MRPS17: variants seen among roughly 807,000 people sequenced by gnomAD.
MRPS17 encodes mitochondrial ribosomal protein S17, also known as small ribosomal subunit protein uS17m.
In MRPS17, 6 loss-of-function variants were observed where a neutral mutation model predicts 11.3. That is an observed-to-expected ratio of 0.53 (90% CI 0.29 to 1.05). The LOEUF is 1.05. Among genes scored for constraint, MRPS17 ranks in the 50% least tolerant of loss-of-function variants. The pLI, the probability that MRPS17 is intolerant of heterozygous loss-of-function variation, is 0.08. For synonymous variants in MRPS17, 56 were observed against 60.4 expected (o/e 0.93, Z 0.34); for missense variants, 139 against 153.6 (o/e 0.90, Z 0.50).
intron 2 of MRPS17, among the ~76,000 whole-genome samples, 160 bp from the exon 3 acceptor site, chr7:55,954,749 A>G (rs572502400): frequency 2.0e-5 from 3 of 152,274 alleles, no homozygotes; most frequent in Non-Finnish European, 4.4e-5. Flanking sequence ...TTGTCTCACT[A>G]TATCACTCAG....
chr7:55,953,334 G>A lies in MRPS17; in HGVS notation c.123+16G>A, dbSNP rs1303607296. ...TTTATTAAAGGTGAGAAACATTCTT[G>A]TTTCCGGGTGGCTTTGGTAAATCAC... On this transcript the variant is annotated intron_variant, in intron 2 of 2. Coordinates refer to ENST00000285298, the MANE Select transcript of MRPS17 (RefSeq NM_015969.3). 2.5e-6 allele frequency: 4 copies of A among 1,612,226 alleles called. No individual in the cohort carries two copies. Among genetic ancestry groups the A allele is most frequent in the South Asian group, 1.1e-5 (1 of 90,722 alleles).
chr7:55,956,054 C>T lies in MRPS17; in HGVS notation c.*876C>T, dbSNP rs1234497934. 1 of 152,038 alleles carries T rather than the reference C, an allele frequency of 6.6e-6. No individual in the cohort carries two copies. The highest frequency in any genetic ancestry group is 1.5e-5 in the Non-Finnish European group (1 of 68,022). 9.4% of individuals were successfully genotyped at this position (152,038 alleles called of 1,614,324 possible). On this transcript the variant is annotated 3_prime_UTR_variant, in exon 3 of 3. Coordinates refer to ENST00000285298, the MANE Select transcript of MRPS17 (RefSeq NM_015969.3). ...GATTACAGGCCTGAGCCACTGTGCCCAGCCGGTTTCCTTTATTTCATTCAA... is the reference window on the plus strand; with the variant it reads ...GATTACAGGCCTGAGCCACTGTGCCTAGCCGGTTTCCTTTATTTCATTCAA...
rs187687125 is a variant in MRPS17, at chr7:55,953,445, G to T, written c.123+127G>T. 5.1e-6 allele frequency: 7 copies of T among 1,366,628 alleles called. No homozygotes were observed. In the African/African-American group the frequency reaches 8.7e-5, roughly 17 times the overall value. 84.7% of individuals were successfully genotyped at this position (1,366,628 alleles called of 1,614,324 possible). A position where few individuals can be genotyped will look rare whatever the true frequency, so the allele number is the denominator to read the frequency against. Reference sequence around the variant, plus strand: ...TCATCTGCTTTGAGCCAGGCATTTTGCTGGTCTGTAGGTATAACACGGTTT... The same window carrying T: ...TCATCTGCTTTGAGCCAGGCATTTTTCTGGTCTGTAGGTATAACACGGTTT... On this transcript the variant is annotated intron_variant, in intron 2 of 2. Transcript: ENST00000285298.
rs1347616172 is a variant in MRPS17 at position 55,955,355 on chromosome 7, GT to G, written c.*180del. 39 of 767,994 alleles carry G rather than the reference GT, an allele frequency of 5.1e-5. No homozygotes were observed. The Admixed American group carries it at 9.2e-4, about 18-fold the overall frequency. 47.6% of individuals were successfully genotyped at this position (767,994 alleles called of 1,614,324 possible). ...GTTTTTCACAAAGGTTTATGGTCGT[GT>G]TTCAAATTTTCATCATTTCAGTGAA... On this transcript the variant is annotated 3_prime_UTR_variant, in exon 3 of 3. Coordinates refer to ENST00000285298, the MANE Select transcript of MRPS17 (RefSeq NM_015969.3).
intron 2 of MRPS17, among the ~76,000 whole-genome samples, chr7:55,953,850 C>T (rs1786687331): frequency 6.6e-6 from 1 of 152,142 alleles, no homozygotes; most frequent in Non-Finnish European, 1.5e-5. Flanking sequence ...GGTTTGTGCT[C>T]CTATAGGAAT....
At position 55,956,187 on chromosome 7, in the gene MRPS17, AT is replaced by A. The variant is rs982583465; in HGVS notation, c.*1010del. 2.0e-5 allele frequency: 3 copies of A among 151,294 alleles called. No individual in the cohort carries two copies. Among genetic ancestry groups the A allele is most frequent in the African/African-American group, 7.3e-5 (3 of 41,074 alleles). 9.4% of individuals were successfully genotyped at this position (151,294 alleles called of 1,614,324 possible). A position where few individuals can be genotyped will look rare whatever the true frequency, so the allele number is the denominator to read the frequency against. On this transcript the variant is annotated 3_prime_UTR_variant, in exon 3 of 3. Coordinates refer to ENST00000285298, the MANE Select transcript of MRPS17 (RefSeq NM_015969.3). ...GCCCAGGCTGGAGTGCAATGGCATG[AT>A]CTCAGCCCACCACGACCTCCGCCTC... is the stretch of plus-strand genomic sequence containing the variant.
rs1786724472 is a variant in MRPS17 at position 55,956,154 on chromosome 7, C to T, written c.*976C>T. 6.6e-6 allele frequency: 1 copy of T among 151,090 alleles called. No homozygotes were observed. Among genetic ancestry groups the T allele is most frequent in the Non-Finnish European group, 1.5e-5 (1 of 67,968 alleles). 9.4% of individuals were successfully genotyped at this position (151,090 alleles called of 1,614,324 possible). A position where few individuals can be genotyped will look rare whatever the true frequency, so the allele number is the denominator to read the frequency against. On this transcript the variant is annotated 3_prime_UTR_variant, in exon 3 of 3. Coordinates refer to ENST00000285298, the MANE Select transcript of MRPS17 (RefSeq NM_015969.3). ...TTTTTTTTTTTGAGCTGGAGTTTCA[C>T]TCTTGTTGCCCAGGCTGGAGTGCAA...
rs1402886055 is a variant in MRPS17 at position 55,955,096 on chromosome 7, C to G, written c.311C>G (p.Thr104Ser). ...PVTGKPCAGT[T>S]YLESPLSSET... ...ACAGGAAAGCCCTGTGCTGGAACTA[C>G]CTACCTGGAGAGTCCGTTGAGTTCG... Residue 104 changes from threonine to serine, a missense_variant, in exon 3 of 3, where the codon ACC becomes AGC. By Grantham distance (58) the Thr-to-Ser change is moderately conservative. Coordinates refer to ENST00000285298, the MANE Select transcript of MRPS17 (RefSeq NM_015969.3). 6.2e-7 allele frequency: 1 copy of G among 1,614,148 alleles called. No homozygotes were observed. The highest frequency in any genetic ancestry group is 1.1e-5 in the South Asian group (1 of 91,090).
chr7:55,953,620 G>A (rs564972334), intron 2 of MRPS17, among the ~76,000 whole-genome samples: 3 of 152,234 alleles, frequency 2.0e-5, no homozygotes, highest in Non-Finnish European at 2.9e-5. Flanking sequence ...TCAGGAGTTC[G>A]AGACCAGTCT....
Position 55,954,559 on chromosome 7 carries a change from C to G in MRPS17, c.124-350C>G, listed in dbSNP as rs182041339. 1.9e-3 allele frequency among the ~76,000 whole-genome samples: 290 copies of G among 152,226 alleles called. 3 individuals are homozygous for G. The highest frequency in any genetic ancestry group is 6.6e-3 in the African/African-American group (273 of 41,538). On this transcript the variant is annotated intron_variant, in intron 2 of 2. Coordinates refer to ENST00000285298, the MANE Select transcript of MRPS17 (RefSeq NM_015969.3). Reference sequence around the variant, plus strand: ...CCTGGCCAACATGGTGAAACCCCATCTCTACTAAAAAAACATACAAAAAAT... The same window carrying G: ...CCTGGCCAACATGGTGAAACCCCATGTCTACTAAAAAAACATACAAAAAAT...
In MRPS17 at chr7:55,955,328, T is replaced by C. The variant is rs1786711995; in HGVS notation, c.*150T>C. On this transcript the variant is annotated 3_prime_UTR_variant, in exon 3 of 3. Transcript: ENST00000285298. The stretch of plus-strand genomic sequence containing the variant: ...AGCAAATGAAGTAAAGGGCATACTA[T>C]GGTTTTTCACAAAGGTTTATGGTCG... The C allele has an allele frequency of 3.1e-6, 3 of 958,016 alleles. No individual in the cohort carries two copies. The highest frequency in any genetic ancestry group is 5.8e-5 in the Admixed American group (2 of 34,442). The allele number at this position is 958,016 out of a possible 1,614,324, so 59.3% of individuals were successfully genotyped here.
chr7:55,953,292 C>T lies in MRPS17; in HGVS notation c.97C>T (p.Leu33Phe), dbSNP rs1180868681. ...GACTGCTAAAGTGAGAGTGACCAGG[C>T]TTGTTCTGGATCCCTATTTATTAAA... The part of the protein sequence containing the change: ...QKTAKVRVTR[L>F]VLDPYLLKYF... The change falls in exon 2 of 3, where the codon CTT becomes TTT. Residue 33 changes from leucine (L) to phenylalanine (F), a missense_variant. By Grantham distance (22) the Leu-to-Phe change is conservative. Transcript: ENST00000285298. 6.2e-7 allele frequency: 1 copy of T among 1,614,052 alleles called. No homozygotes were observed. The highest frequency in any genetic ancestry group is 1.7e-5 in the Admixed American group (1 of 59,992).
At chr7:55,952,417 G>A (rs1786650771) in intron 1 of MRPS17, 2 of 152,318 alleles carry the variant, frequency 1.3e-5, no homozygotes, top group South Asian at 4.1e-4. Flanking sequence ...TTGGGTAGTG[G>A]GGAACGTGTA....
intron 2 of MRPS17, among the ~76,000 whole-genome samples, chr7:55,954,015 C>T (rs1205312063): frequency 2.0e-5 from 3 of 152,098 alleles, no homozygotes; most frequent in African/African-American, 2.4e-5. Flanking sequence ...CCTGCTTGAA[C>T]CCAAAGACAG....
intron 1 of MRPS17, 97 bp from the exon 2 acceptor site, chr7:55,953,082 A>G: frequency 7.1e-7 from 1 of 1,402,960 alleles, no homozygotes; most frequent in Non-Finnish European, 9.7e-7. Context: ...ACGAAAAAGA[A>G]AAAAACTGTT....
At chr7:55,954,496 G>A (rs1006673906) in intron 2 of MRPS17, among the ~76,000 whole-genome samples, 1 of 152,178 alleles carries the variant, frequency 6.6e-6, no homozygotes, top group Non-Finnish European at 1.5e-5. Flanking sequence ...GGGAGGCCGA[G>A]GCAGGTGGAT....
chr7:55,953,988 C>A (rs1786689495), intron 2 of MRPS17, among the ~76,000 whole-genome samples: 1 of 152,072 alleles, frequency 6.6e-6, no homozygotes, highest in Admixed American at 6.6e-5. Flanking sequence ...AGTCTGCTGC[C>A]CTGGGGGTTG....
In MRPS17 at chr7:55,953,415, G is replaced by A; in HGVS notation, c.123+97G>A. On this transcript the variant is annotated intron_variant, in intron 2 of 2. Coordinates refer to ENST00000285298, the MANE Select transcript of MRPS17 (RefSeq NM_015969.3). ...ATTTATCTCTCAGTAAAGATGTCTT[G>A]TCTCTCATCTGCTTTGAGCCAGGCA... 7 of 1,523,430 alleles carry A rather than the reference G, an allele frequency of 4.6e-6. No homozygotes were observed. In the South Asian group the frequency reaches 8.9e-5, roughly 19 times the overall value. The allele number at this position is 1,523,430 out of a possible 1,614,324, so 94.4% of individuals were successfully genotyped here. A position where few individuals can be genotyped will look rare whatever the true frequency, so the allele number is the denominator to read the frequency against.
At position 55,953,175 on chromosome 7, in the gene MRPS17, T is replaced by A. The variant is rs1368205147; in HGVS notation, c.-17-4T>A. The A allele has an allele frequency of 6.2e-7, 1 of 1,613,354 alleles. No individual in the cohort carries two copies. Among genetic ancestry groups the A allele is most frequent in the Non-Finnish European group, 8.5e-7 (1 of 1,179,834 alleles). On this transcript the variant is annotated splice_region_variant and splice_polypyrimidine_tract_variant and intron_variant, in intron 1 of 2. Coordinates refer to ENST00000285298, the MANE Select transcript of MRPS17 (RefSeq NM_015969.3). ...AATATGAGACTTTGGAATTTGCTTT[T>A]CAGGTGACCAAAGCCACGTAATGTC... is the stretch of plus-strand genomic sequence containing the variant.
Sources: allele counts gnomAD v4.1 joint callset (sites outside exome capture counted in the v4.1 genomes callset), GRCh38; gene constraint gnomAD v4.1.1; transcripts MANE v1.5; gene names NCBI Gene and HGNC (gene_info 2026-07-23, HGNC 2026-07-21).